Variants in ELMO1 observed in about 807,000 individuals in gnomAD.
The protein encoded by ELMO1 is engulfment and cell motility 1.
In ELMO1, 26 loss-of-function variants were observed where a neutral mutation model predicts 98.9. The ratio of observed to expected loss-of-function variants is 0.26; its 90% confidence interval spans 0.19 to 0.36. The LOEUF (loss-of-function observed/expected upper bound fraction) is 0.36, where lower values mean the gene tolerates loss of function less well. Ranked by LOEUF, ELMO1 falls within the 10% of genes least tolerant of loss-of-function variation. ELMO1 has a pLI of 1.00. For synonymous variants in ELMO1, 346 were observed against 346.0 expected, an observed-to-expected ratio of 1.00 and a Z score of 0.00; for missense variants, 627 against 935.2, an observed-to-expected ratio of 0.67 and a Z score of 4.30.
rs947124229 is a variant in ELMO1, at chr7:37,163,110, C to T, written c.1087-29876G>A. 2.0e-5 allele frequency among the ~76,000 whole-genome samples: 3 copies of T among 152,186 alleles called. No homozygotes were observed. The South Asian group carries it at 6.2e-4, about 31-fold the overall frequency. On this transcript the variant is annotated intron_variant, in intron 13 of 21. Coordinates refer to ENST00000310758, the MANE Select transcript of ELMO1 (RefSeq NM_014800.11). The stretch of plus-strand genomic sequence containing the variant: ...ACATTTCAAAGAAAGGAGAATACAG[C>T]TATGATTTGAGCCAGTTTCAGTTAC...
rs1482310147 is a variant in ELMO1, at chr7:36,878,100, G to T, written c.1732C>A (p.Arg578=). The change falls in exon 19 of 22, where the codon CGG becomes AGG. Residue 578 remains arginine, a synonymous_variant. Coordinates refer to ENST00000310758, the MANE Select transcript of ELMO1 (RefSeq NM_014800.11). The part of the protein sequence containing the change: ...RRRQDKFWYC[R]LSPNHKVLHY... ...AGGACTTTGTGATTTGGCGAAAGCC[G>T]ACAATACCAAAACTTGTCTGAGAGA... 6.2e-7 allele frequency: 1 copy of T among 1,613,882 alleles called. No homozygotes were observed. Among genetic ancestry groups the T allele is most frequent in the East Asian group, 2.2e-5 (1 of 44,856 alleles).
intron 1 of ELMO1, among the ~76,000 whole-genome samples, chr7:37,359,992 C>T (rs1801636962): frequency 1.3e-5 from 2 of 152,134 alleles, no homozygotes; most frequent in South Asian, 2.1e-4. Context: ...CAACTTGATA[C>T]TACCTCTGAG....
At chr7:37,390,089 T>C (rs1803003068) in intron 1 of ELMO1, among the ~76,000 whole-genome samples, 1 of 152,108 alleles carries the variant, frequency 6.6e-6, no homozygotes, top group South Asian at 2.1e-4. Flanking sequence ...GTGTATAGGC[T>C]ATCACAGCAG....
Position 36,903,230 on chromosome 7 carries a change from C to T in ELMO1, c.1438-8213G>A, listed in dbSNP as rs931513684. 3.3e-5 allele frequency among the ~76,000 whole-genome samples: 5 copies of T among 152,202 alleles called. No individual in the cohort carries two copies. The East Asian group carries it at 7.7e-4, about 23-fold the overall frequency. On this transcript the variant is annotated intron_variant, in intron 16 of 21. Transcript: ENST00000310758. ...CCTCCTATCCATGACTATTACCTTC[C>T]TTCTAGCCCCTGCTCATTTGTCAAG...
At chr7:36,904,218 G>A (rs73338255) in intron 16 of ELMO1, among the ~76,000 whole-genome samples, 319 of 152,338 alleles carry the variant, frequency 2.1e-3, no homozygotes, top group African/African-American at 7.1e-3. Flanking sequence ...TCCAGGCAGC[G>A]CCTGGAGAAC....
chr7:37,025,089 GA>G (rs1794491506), intron 15 of ELMO1, among the ~76,000 whole-genome samples: 3 of 152,150 alleles, frequency 2.0e-5, no homozygotes, highest in Admixed American at 6.5e-5. Context: ...TCCTCCAGTT[GA>G]AAACAATCAA....
At chr7:37,194,236 G>C (rs1318846411) in intron 13 of ELMO1, among the ~76,000 whole-genome samples, 1 of 152,082 alleles carries the variant, frequency 6.6e-6, no homozygotes, top group African/African-American at 2.4e-5. Flanking sequence ...TGGCCTTCTG[G>C]CTATCTCCAG....
chr7:37,304,221 A>T (rs1433395716), intron 4 of ELMO1, among the ~76,000 whole-genome samples: 1 of 152,198 alleles, frequency 6.6e-6, no homozygotes, highest in African/African-American at 2.4e-5. Flanking sequence ...AGTTTGAGTC[A>T]CTATGAGCAA....
chr7:37,172,623 T>C lies in ELMO1; in HGVS notation c.1086+38763A>G, dbSNP rs147597692. On this transcript the variant is annotated intron_variant, in intron 13 of 21. Transcript: ENST00000310758. ...TACTATCAGAAGGTACTAATAACCT[T>C]GATTAGGATATTAGAGTCTATAGAT... Among the ~76,000 whole-genome samples the C allele has an allele frequency of 2.0e-3, 304 of 152,314 alleles. 1 individual carries two copies. The highest frequency in any genetic ancestry group is 7.1e-3 in the African/African-American group (296 of 41,566).
chr7:36,885,699 C>T (rs1804924192), intron 18 of ELMO1, among the ~76,000 whole-genome samples: 1 of 152,176 alleles, frequency 6.6e-6, no homozygotes, highest in Non-Finnish European at 1.5e-5. Context: ...TCCTGGATCC[C>T]CTAATCCTGT....
Position 37,423,376 on chromosome 7 carries a change from T to C in ELMO1, c.-74+25299A>G, listed in dbSNP as rs557879793. ...GGGAGGATCACCTGAGGTCAGGAGTTTGAGACCAGCCTGGCCAACATGGTG... is the reference window on the plus strand; with the variant it reads ...GGGAGGATCACCTGAGGTCAGGAGTCTGAGACCAGCCTGGCCAACATGGTG... On this transcript the variant is annotated intron_variant, in intron 1 of 21. Transcript: ENST00000310758. Among the ~76,000 whole-genome samples, 6 of 152,318 alleles carry C rather than the reference T, an allele frequency of 3.9e-5. No individual in the cohort carries two copies. The East Asian group carries it at 7.7e-4, about 20-fold the overall frequency.
chr7:37,093,795 T>G (rs1240705476), intron 15 of ELMO1, among the ~76,000 whole-genome samples: 1 of 152,214 alleles, frequency 6.6e-6, no homozygotes, highest in Non-Finnish European at 1.5e-5. Flanking sequence ...GCATGTAGGC[T>G]TCAGAAACAT....
At chr7:36,940,271 T>C (rs17170799) in intron 16 of ELMO1, among the ~76,000 whole-genome samples, 9,922 of 152,228 alleles carry the variant, frequency 0.065, 547 homozygotes, top group East Asian at 0.28. Flanking sequence ...CAACCTTAGA[T>C]AGAATAGGCC....
intron 13 of ELMO1, among the ~76,000 whole-genome samples, chr7:37,205,327 C>T (rs1034586966): frequency 4.6e-5 from 7 of 152,184 alleles, no homozygotes; most frequent in Non-Finnish European, 7.3e-5. Context: ...CTGACCATAA[C>T]GCTTTTGCCA....
intron 13 of ELMO1, chr7:37,211,147 T>C (rs1792944385): frequency 2.1e-6 from 1 of 478,294 alleles, no homozygotes; most frequent in South Asian, 2.7e-5. Context: ...CGGTTACACT[T>C]AATCAGAACT....
At chr7:36,885,191 C>T (rs1485731156) in intron 18 of ELMO1, among the ~76,000 whole-genome samples, 1 of 152,176 alleles carries the variant, frequency 6.6e-6, no homozygotes, top group Non-Finnish European at 1.5e-5. Context: ...GTATTAAACA[C>T]AGATGGTCAT....
At chr7:37,085,171 C>T (rs1783694429) in intron 15 of ELMO1, among the ~76,000 whole-genome samples, 1 of 152,110 alleles carries the variant, frequency 6.6e-6, no homozygotes, top group African/African-American at 2.4e-5. Context: ...ACCAAAGGCT[C>T]CAGGTTAAGG....
At chr7:36,931,777 C>A (rs146900212) in intron 16 of ELMO1, among the ~76,000 whole-genome samples, 1 of 152,176 alleles carries the variant, frequency 6.6e-6, no homozygotes, top group East Asian at 1.9e-4. Context: ...GCTTGAGCTG[C>A]GTAACCTTGG....
chr7:37,209,917 C>T (rs1792857679), intron 13 of ELMO1, among the ~76,000 whole-genome samples: 1 of 152,168 alleles, frequency 6.6e-6, no homozygotes. Flanking sequence ...TATAATGATA[C>T]AAAAATAATT....
Sources: allele counts gnomAD v4.1 joint callset (sites outside exome capture counted in the v4.1 genomes callset), GRCh38; gene constraint gnomAD v4.1.1; transcripts MANE v1.5; gene names NCBI Gene and HGNC (gene_info 2026-07-23, HGNC 2026-07-21).